Variants in NEK10 observed in about 807,000 individuals in gnomAD.
NEK10 encodes serine/threonine-protein kinase Nek10.
NEK10 carries 122 observed loss-of-function variants against 159.8 expected under a neutral mutation model. That is an observed-to-expected ratio of 0.76 (90% CI 0.66 to 0.89). NEK10 has a LOEUF of 0.89. Ranked by LOEUF, NEK10 falls within the 40% of genes least tolerant of loss-of-function variation. The pLI is 0.00. For missense variants in NEK10, 1,342 were observed against 1,323.1 expected, an observed-to-expected ratio of 1.01 and a Z score of -0.22; for synonymous variants, 466 against 457.1, an observed-to-expected ratio of 1.02 and a Z score of -0.25.
At chr3:27,335,264 T>TGGGA (rs1228494927) in intron 5 of NEK10, among the ~76,000 whole-genome samples, 1 of 150,310 alleles carries the variant, frequency 6.7e-6, no homozygotes, top group Non-Finnish European at 1.5e-5. Context: ...CGCTTGAACC[T>TGGGA]GGGAGTTGGA....
In NEK10 at chr3:27,291,347, T is replaced by C. The variant is rs776601303; in HGVS notation, c.1520A>G (p.Asn507Ser). Residue 507 changes from asparagine (N) to serine (S), a missense_variant, in exon 18 of 36, where the codon AAT becomes AGT. Coordinates refer to ENST00000691995, the MANE Select transcript of NEK10 (RefSeq NM_001394966.1). ...ATATTTCAAAGGAGCTTTGTTCTGA[T>C]TAATGCTTTCAATATTTTCAGCAAT... is the stretch of plus-strand genomic sequence containing the variant. The part of the protein sequence containing the change: ...KQIAENIESI[N>S]QNKAPLKYIG... The C allele has an allele frequency of 2.5e-6, 4 of 1,612,716 alleles. No individual in the cohort carries two copies. In the South Asian group the frequency reaches 4.4e-5, roughly 18 times the overall value.
intron 6 of NEK10, among the ~76,000 whole-genome samples, chr3:27,320,011 C>A (rs1317691876): frequency 6.6e-6 from 1 of 152,124 alleles, no homozygotes; most frequent in East Asian, 1.9e-4. Context: ...TGTAGTAAAC[C>A]CCAGCATAGC....
chr3:27,129,012 C>T (rs923926869), intron 32 of NEK10, among the ~76,000 whole-genome samples: 1 of 152,084 alleles, frequency 6.6e-6, no homozygotes, highest in Non-Finnish European at 1.5e-5. Context: ...TATTCATTCA[C>T]ACTGATACTT....
intron 30 of NEK10, among the ~76,000 whole-genome samples, chr3:27,158,249 A>G (rs2148794456): frequency 6.6e-6 from 1 of 152,320 alleles, no homozygotes; most frequent in Non-Finnish European, 1.5e-5. Flanking sequence ...ATTATATAGT[A>G]TAGACTAGTA....
intron 29 of NEK10, among the ~76,000 whole-genome samples, chr3:27,164,163 C>T (rs1024864016): frequency 1.3e-5 from 2 of 152,144 alleles, no homozygotes; most frequent in Non-Finnish European, 2.9e-5. Flanking sequence ...CTTTCCCTAA[C>T]CTGAGATAAG....
chr3:27,267,861 C>T (rs1266760413), intron 22 of NEK10, among the ~76,000 whole-genome samples: 2 of 152,180 alleles, frequency 1.3e-5, no homozygotes, highest in African/African-American at 2.4e-5. Flanking sequence ...ATGTCCAAAG[C>T]TGAGACAGGC....
chr3:27,367,261 G>A (rs2049165292), intron 1 of NEK10, among the ~76,000 whole-genome samples: 1 of 152,228 alleles, frequency 6.6e-6, no homozygotes, highest in Admixed American at 6.5e-5. Flanking sequence ...TAGAGGCTAA[G>A]TAATTTGTTA....
At chr3:27,119,680 A>G (rs1267666038) in intron 33 of NEK10, 80 bp downstream of exon 33, 1 of 1,101,332 alleles carries the variant, frequency 9.1e-7, no homozygotes, top group East Asian at 2.4e-5. Context: ...AAAATTGGAG[A>G]TAATCTTTTA....
At chr3:27,148,572 A>T (rs1944529519) in intron 30 of NEK10, among the ~76,000 whole-genome samples, 1 of 152,232 alleles carries the variant, frequency 6.6e-6, no homozygotes, top group Non-Finnish European at 1.5e-5. Flanking sequence ...TCAATGCAAC[A>T]AACTAATTCA....
At chr3:27,273,021 T>C (rs970668454) in intron 22 of NEK10, among the ~76,000 whole-genome samples, 3 of 152,088 alleles carry the variant, frequency 2.0e-5, no homozygotes, top group Non-Finnish European at 4.4e-5. Flanking sequence ...CTGTGACAAA[T>C]GGTGACTGGG....
At chr3:27,123,483 T>C (rs998556190) in intron 32 of NEK10, among the ~76,000 whole-genome samples, 1 of 152,226 alleles carries the variant, frequency 6.6e-6, no homozygotes, top group Non-Finnish European at 1.5e-5. Flanking sequence ...TGGGCATTCA[T>C]GATGAAATGA....
intron 19 of NEK10, 81 bp downstream of exon 19, chr3:27,290,536 G>T: frequency 1.9e-6 from 2 of 1,034,790 alleles, no homozygotes; most frequent in Non-Finnish European, 1.4e-6. Context: ...TAAGCAGCAT[G>T]GACAAGAGCA....
At chr3:27,292,031 T>G (rs909269054) in intron 16 of NEK10, among the ~76,000 whole-genome samples, 1 of 151,994 alleles carries the variant, frequency 6.6e-6, no homozygotes, top group Admixed American at 6.6e-5. Flanking sequence ...GTTGGGGAAA[T>G]AATATTCCCC....
At position 27,131,880 on chromosome 3, in the gene NEK10, C is replaced by A; in HGVS notation, c.3081G>T (p.Lys1027Asn). ...AATTCCTATATATAGAATACCATAC[C>A]TTTTTAATTTCAGATTTCAAATTAC... ...NPCNLKSEIK[K>N]LSQGSPEPIE... Residue 1027 changes from lysine (K) to asparagine (N), a missense_variant and splice_region_variant, in exon 32 of 36, where the codon AAG (lysine) becomes AAT (asparagine). By Grantham distance (94) the Lys-to-Asn change is moderately conservative (BLOSUM62 0). Coordinates refer to ENST00000691995, the MANE Select transcript of NEK10 (RefSeq NM_001394966.1). 6.5e-7 allele frequency: 1 copy of A among 1,537,926 alleles called. No homozygotes were observed. Among genetic ancestry groups the A allele is most frequent in the Non-Finnish European group, 9.0e-7 (1 of 1,113,918 alleles).
Position 27,304,955 on chromosome 3 carries a change from G to T in NEK10, c.820C>A (p.Leu274Met). The T allele has an allele frequency of 6.2e-7, 1 of 1,611,446 alleles. No individual in the cohort carries two copies. The highest frequency in any genetic ancestry group is 1.1e-5 in the South Asian group (1 of 90,924). ...TGGGGCTCTGCACAAAGTAGGCGCA[G>T]CAACTCCGCTGTTAGTCTGAAAGGG... Reference protein sequence around the residue: ...LLSKRLTAELLRLLCAEPQVK... With the variant: ...LLSKRLTAELMRLLCAEPQVK... Residue 274 changes from leucine (L) to methionine (M), a missense_variant, in exon 12 of 36, where the codon CTG becomes ATG. Transcript: ENST00000691995.
intron 26 of NEK10, among the ~76,000 whole-genome samples, chr3:27,182,919 G>A (rs572212904): frequency 8.4e-4 from 128 of 152,130 alleles, no homozygotes; most frequent in African/African-American, 3.0e-3. Flanking sequence ...GTTACCAGAG[G>A]CTGGGAAGAG....
chr3:27,127,382 A>C (rs1477082148), intron 32 of NEK10, among the ~76,000 whole-genome samples: 1 of 152,142 alleles, frequency 6.6e-6, no homozygotes, highest in Non-Finnish European at 1.5e-5. Context: ...ATCATTAGGC[A>C]ATTTCATCAT....
intron 26 of NEK10, among the ~76,000 whole-genome samples, chr3:27,176,840 T>C (rs1947552662): frequency 6.6e-6 from 1 of 152,202 alleles, no homozygotes; most frequent in African/African-American, 2.4e-5. Flanking sequence ...GAAGGAGAAT[T>C]TTTGAATTGA....
intron 25 of NEK10, chr3:27,194,131 T>C (rs1237779829): frequency 2.0e-5 from 3 of 150,894 alleles, no homozygotes; most frequent in African/African-American, 7.3e-5. Context: ...AATTCTTTTT[T>C]TTTTTTTTTT....
Sources: gnomAD v4.1 joint callset for allele counts (sites outside exome capture counted in the v4.1 genomes callset) on GRCh38, gnomAD v4.1.1 for gene constraint, MANE v1.5 for transcripts, NCBI Gene and HGNC (gene_info 2026-07-23, HGNC 2026-07-21) for gene names.